Variants in PSG4 observed in about 807,000 individuals in gnomAD.
PSG4 encodes the protein pregnancy-specific beta-1-glycoprotein 4.
Under a neutral mutation model 44.3 loss-of-function variants are expected in PSG4, and 61 were observed. That is an observed-to-expected ratio of 1.38 (90% CI 1.12 to 1.70). The LOEUF (loss-of-function observed/expected upper bound fraction) is 1.70. PSG4 is among the 40% of genes most tolerant of loss of function. PSG4 has a pLI of 0.00. For synonymous variants in PSG4, 248 were observed against 191.3 expected, an observed-to-expected ratio of 1.30 and a Z score of -2.45; for missense variants, 677 against 511.7, an observed-to-expected ratio of 1.32 and a Z score of -3.12.
intron 2 of PSG4, chr19:43,203,183 G>C (rs1165828187): frequency 1.4e-5 from 2 of 146,562 alleles, no homozygotes; most frequent in Non-Finnish European, 3.0e-5. Flanking sequence ...TGGACAATCT[G>C]CTACCAGGTA....
Position 43,198,035 on chromosome 19 carries a change from C to G in PSG4, c.671G>C (p.Ser224Thr), listed in dbSNP as rs1368633058. The G allele has an allele frequency of 6.3e-7, 1 of 1,587,812 alleles. No individual in the cohort carries two copies. Among genetic ancestry groups the G allele is most frequent in the South Asian group, 1.1e-5 (1 of 89,934 alleles). The change falls in exon 3 of 6, where the codon AGT (serine) becomes ACT (threonine). Residue 224 changes from serine (S) to threonine (T), a missense_variant. Coordinates refer to ENST00000405312, the MANE Select transcript of PSG4 (RefSeq NM_002780.5). ...GGTGACTGGGTCACTGCGGCTGGCA[C>G]TCACTGGGTTCCGTATTTCACATTC... ...PYECEIRNPV[S>T]ASRSDPVTLN...
Position 43,198,290 on chromosome 19 carries a change from G to A in PSG4, c.431-15C>T. 1.3e-6 allele frequency: 2 copies of A among 1,579,762 alleles called. No individual in the cohort carries two copies. The highest frequency in any genetic ancestry group is 1.7e-6 in the Non-Finnish European group (2 of 1,168,224). On this transcript the variant is annotated splice_polypyrimidine_tract_variant and intron_variant, in intron 2 of 5. Coordinates refer to ENST00000405312, the MANE Select transcript of PSG4 (RefSeq NM_002780.5). ...GGGAGTCTCCACTGTGCAGAAAACA[G>A]AGAGAGGTTTGCCCTGTGTGGCATC...
Position 43,204,255 on chromosome 19 carries a change from G to A in PSG4, c.65-4C>T. ...TTCCAGAAGTTTAAAAGTGATGCTA[G>A]GAGGTACAGAGAGCATCAGTTAATA... On this transcript the variant is annotated splice_polypyrimidine_tract_variant and splice_region_variant and intron_variant, in intron 1 of 5. Coordinates refer to ENST00000405312, the MANE Select transcript of PSG4 (RefSeq NM_002780.5). 2 of 1,568,042 alleles carry A rather than the reference G, an allele frequency of 1.3e-6. No homozygotes were observed. Among genetic ancestry groups the A allele is most frequent in the East Asian group, 2.7e-5 (1 of 37,398 alleles).
At chr19:43,203,790 G>A in intron 2 of PSG4, 96 bp downstream of exon 2, 1 of 1,529,706 alleles carries the variant, frequency 6.5e-7, no homozygotes, top group East Asian at 2.8e-5. Flanking sequence ...AATGCAGAGA[G>A]GGACACAGGC....
chr19:43,204,362 A>T lies in PSG4; in HGVS notation c.65-111T>A, dbSNP rs1378271149. 175 of 1,284,612 alleles carry T rather than the reference A, an allele frequency of 1.4e-4. 20 individuals are homozygous for T. Among genetic ancestry groups the T allele is most frequent in the Middle Eastern group, 4.4e-4 (2 of 4,586 alleles). 79.6% of individuals were successfully genotyped at this position (1,284,612 alleles called of 1,614,324 possible). A position where few individuals can be genotyped will look rare whatever the true frequency, so the allele number is the denominator to read the frequency against. ...CAGCCTTGAAGACACACAAACACAC[A>T]CATACAAACACATACACACACTAAA... On this transcript the variant is annotated intron_variant, in intron 1 of 5. Coordinates refer to ENST00000405312, the MANE Select transcript of PSG4 (RefSeq NM_002780.5).
At chr19:43,195,328 A>T in intron 3 of PSG4, 55 bp from the exon 4 acceptor site, 4 of 1,590,040 alleles carry the variant, frequency 2.5e-6, no homozygotes, top group South Asian at 1.1e-5. Context: ...ATTCCTCCAC[A>T]GGCATACTTC....
chr19:43,196,715 A>G (rs1182094085), intron 3 of PSG4: 15 of 151,424 alleles, frequency 9.9e-5, no homozygotes, highest in Admixed American at 9.2e-4. Flanking sequence ...TATTTTTTAA[A>G]GCTTTGGGAT....
In PSG4 at chr19:43,203,770, C is replaced by A; in HGVS notation, c.430+116G>T. ...CCTGCACTAAATGCCCAAACCCCAG[C>A]ATGGGACTTAATGCAGAGAGGGACA... On this transcript the variant is annotated intron_variant, in intron 2 of 5. Transcript: ENST00000405312. 2.7e-6 allele frequency: 4 copies of A among 1,492,990 alleles called. 1 individual carries two copies. Among genetic ancestry groups the A allele is most frequent in the Non-Finnish European group, 3.6e-6 (4 of 1,110,610 alleles). The allele number at this position is 1,492,990 out of a possible 1,614,324, so 92.5% of individuals were successfully genotyped here.
In PSG4 at chr19:43,192,937, T is replaced by A; in HGVS notation, c.*435A>T. The stretch of plus-strand genomic sequence containing the variant: ...GTATGCAAGATGGAGAGAGCCACAT[T>A]TCCCCTGAGATGTTACGTAAAAGTT... On this transcript the variant is annotated 3_prime_UTR_variant, in exon 6 of 6. Coordinates refer to ENST00000405312, the MANE Select transcript of PSG4 (RefSeq NM_002780.5). The A allele has an allele frequency of 2.4e-6, 1 of 420,784 alleles. No homozygotes were observed. The highest frequency in any genetic ancestry group is 3.5e-5 in the East Asian group (1 of 28,172). The allele number at this position is 420,784 out of a possible 1,614,324, so 26.1% of individuals were successfully genotyped here.
chr19:43,195,357 C>A, intron 3 of PSG4, 84 bp from the exon 4 acceptor site: 7 of 1,556,626 alleles, frequency 4.5e-6, no homozygotes, highest in Non-Finnish European at 5.2e-6. Context: ...TTGGCATCTC[C>A]CACCTCTCAG....
At chr19:43,200,072 T>C (rs996269872) in intron 2 of PSG4, among the ~76,000 whole-genome samples, 5 of 145,586 alleles carry the variant, frequency 3.4e-5, no homozygotes, top group Non-Finnish European at 6.0e-5. Flanking sequence ...TTAGGAAAAA[T>C]GGGGAGGACC....
intron 1 of PSG4, among the ~76,000 whole-genome samples, chr19:43,205,261 C>A (rs10425249): frequency 0.64 from 90,344 of 141,352 alleles, 32,353 homozygotes; most frequent in East Asian, 0.88. Context: ...GAGCACACCA[C>A]TATACCTGGT....
rs575942255 is a variant in PSG4, at chr19:43,205,552, T to G, written c.-16A>C. The G allele has an allele frequency of 1.3e-6, 2 of 1,534,026 alleles. No individual in the cohort carries two copies. Among genetic ancestry groups the G allele is most frequent in the African/African-American group, 3.1e-5 (2 of 65,480 alleles). On this transcript the variant is annotated 5_prime_UTR_variant, in exon 1 of 6. Transcript: ENST00000405312. ...GGGGCCCCATGGTCTCTGCTGCTTG[T>G]GTGTTCTCCTCTGTGGAGATAAGCC...
rs767642832 is a variant in PSG4, at chr19:43,204,094, GTA to G, written c.220_221del (p.Tyr74ProfsTer96). The G allele has an allele frequency of 1.1e-5, 18 of 1,586,472 alleles. 6 individuals carry two copies. In the East Asian group the frequency reaches 4.5e-4, roughly 40 times the overall value. ...CATATGATGTAATGTAATGGTAGAG[GTA>G]TGTCATTTGCCCTTTGTACCAAATG... ...GYIWYKGQMT[Y>X]LYHYITSYVV... is the part of the protein sequence containing the mutation. On this transcript the variant is annotated frameshift_variant, in exon 2 of 6. Transcript: ENST00000405312. LOFTEE classifies it high-confidence loss of function.
rs762879630 is a variant in PSG4 at position 43,194,461 on chromosome 19, T to G, written c.1122A>C (p.Leu374=). ...GGGGGATAGAGAGCTTTTGTCCTGA[T>G]AGCTGAAACTTCCCATTAATTGTCC... ...YSWTINGKFQ[L]SGQKLSIPQI... Residue 374 remains leucine, a synonymous_variant, in exon 5 of 6, where the codon CTA becomes CTC. Coordinates refer to ENST00000405312, the MANE Select transcript of PSG4 (RefSeq NM_002780.5). 2 of 1,612,502 alleles carry G rather than the reference T, an allele frequency of 1.2e-6. No individual in the cohort carries two copies. The highest frequency in any genetic ancestry group is 1.1e-5 in the South Asian group (1 of 91,038).
At chr19:43,197,415 C>G (rs1366672727) in intron 3 of PSG4, among the ~76,000 whole-genome samples, 1 of 145,280 alleles carries the variant, frequency 6.9e-6, no homozygotes, top group South Asian at 2.2e-4. Context: ...AGACCTAAAC[C>G]CCTCTATATG....
chr19:43,197,212 G>A (rs1199962747), intron 3 of PSG4, among the ~76,000 whole-genome samples: 2 of 144,906 alleles, frequency 1.4e-5, no homozygotes, highest in Non-Finnish European at 3.0e-5. Context: ...TGGTTTTGGA[G>A]CAGAAACATA....
Position 43,198,145 on chromosome 19 carries a change from G to A in PSG4, c.561C>T (p.Leu187=). The A allele has an allele frequency of 6.3e-7, 1 of 1,587,926 alleles. No individual in the cohort carries two copies. The highest frequency in any genetic ancestry group is 8.5e-7 in the Non-Finnish European group (1 of 1,171,938). Residue 187 remains leucine (L), a synonymous_variant, in exon 3 of 6, where the codon CTC becomes CTT. Transcript: ENST00000405312. ...ACAGCTGCAACCTGTGAGTCATAGG[G>A]AGGCTCTGACCATTCATCCACCACT... ...SYQWWMNGQS[L]PMTHRLQLSK...
intron 2 of PSG4, among the ~76,000 whole-genome samples, chr19:43,202,581 G>A (rs550567945): frequency 4.2e-5 from 6 of 144,452 alleles, no homozygotes; most frequent in African/African-American, 1.6e-4. Context: ...GCCTGTGCTG[G>A]TGCAGGGTGT....
Sources: gnomAD v4.1 joint callset for allele counts (sites outside exome capture counted in the v4.1 genomes callset) on GRCh38, gnomAD v4.1.1 for gene constraint, MANE v1.5 for transcripts, NCBI Gene and HGNC (gene_info 2026-07-23, HGNC 2026-07-21) for gene names.